Variants in UACA observed in about 807,000 individuals in gnomAD.
The protein encoded by UACA is uveal autoantigen with coiled-coil domains and ankyrin repeats, also known as nuclear membrane binding protein.
UACA carries 112 observed loss-of-function variants against 160.5 expected under a neutral mutation model. The observed-to-expected ratio is 0.70, with a 90% CI of 0.60 to 0.82. The LOEUF (loss-of-function observed/expected upper bound fraction) is 0.82, where lower values mean the gene tolerates loss of function less well. Among genes scored for constraint, UACA ranks in the 40% least tolerant of loss-of-function variants. The pLI is 0.00. For missense variants in UACA, 1,574 were observed against 1,614.6 expected, an observed-to-expected ratio of 0.97 and a Z score of 0.43; for synonymous variants, 557 against 568.4, an observed-to-expected ratio of 0.98 and a Z score of 0.29.
intron 3 of UACA, among the ~76,000 whole-genome samples, chr15:70,694,525 C>T (rs556177419): frequency 2.0e-5 from 3 of 152,254 alleles, no homozygotes; most frequent in Admixed American, 2.0e-4. Flanking sequence ...CTTAACAGCT[C>T]AGGGCCTCAG....
intron 2 of UACA, among the ~76,000 whole-genome samples, chr15:70,699,123 G>T (rs954768213): frequency 1.3e-5 from 2 of 152,144 alleles, no homozygotes; most frequent in Admixed American, 1.3e-4. Context: ...AAGACACAAA[G>T]CTTGGGTTCA....
chr15:70,737,929 C>A (rs1899418581), intron 1 of UACA, among the ~76,000 whole-genome samples: 2 of 152,140 alleles, frequency 1.3e-5, no homozygotes, highest in Admixed American at 1.3e-4. Context: ...CAATAATTTG[C>A]TTGCTTAGAC....
In UACA at chr15:70,711,352, G is replaced by C. The variant is rs891851435; in HGVS notation, c.79-11692C>G. 7.2e-5 allele frequency among the ~76,000 whole-genome samples: 11 copies of C among 151,986 alleles called. No individual in the cohort carries two copies. In the South Asian group the frequency reaches 8.3e-4, roughly 12 times the overall value. On this transcript the variant is annotated intron_variant, in intron 1 of 18. Coordinates refer to ENST00000322954, the MANE Select transcript of UACA (RefSeq NM_018003.4). ...AGTACCAAAGAACTGCCAGAAGCCT[G>C]GATAATTCATTTGTTCAATAAAAAT...
At chr15:70,662,835 T>C (rs1685419453) in intron 17 of UACA, among the ~76,000 whole-genome samples, 1 of 152,128 alleles carries the variant, frequency 6.6e-6, no homozygotes, top group South Asian at 2.1e-4. Context: ...CTGGATCCCT[T>C]CCTTACACCT....
At chr15:70,694,181 C>T (rs1898042568) in intron 3 of UACA, among the ~76,000 whole-genome samples, 1 of 151,900 alleles carries the variant, frequency 6.6e-6, no homozygotes, top group Non-Finnish European at 1.5e-5. Flanking sequence ...AAGCTGTCAA[C>T]AGTCCCAGAG....
At chr15:70,762,168 G>C (rs1282227478) in intron 1 of UACA, among the ~76,000 whole-genome samples, 1 of 151,784 alleles carries the variant, frequency 6.6e-6, no homozygotes, top group African/African-American at 2.4e-5. Flanking sequence ...TTTGAAATAG[G>C]AATTTAAGTC....
Position 70,677,141 on chromosome 15 carries a change from C to T in UACA, c.1000-1G>A, listed in dbSNP as rs1282220504. 3 of 1,599,698 alleles carry T rather than the reference C, an allele frequency of 1.9e-6. No individual in the cohort carries two copies. Among genetic ancestry groups the T allele is most frequent in the Non-Finnish European group, 2.6e-6 (3 of 1,172,198 alleles). On this transcript the variant is annotated splice_acceptor_variant, in intron 11 of 18. Transcript: ENST00000322954. LOFTEE classifies it high-confidence loss of function. Reference sequence around the variant, plus strand: ...CCAGATCATCAGCAACCATAACTTCCTAAATTTAAAAAGAACACAAAATAT... The same window carrying T: ...CCAGATCATCAGCAACCATAACTTCTTAAATTTAAAAAGAACACAAAATAT...
At chr15:70,676,718 A>C (rs2041564772) in intron 12 of UACA, 127 bp from the exon 13 acceptor site, 1 of 666,908 alleles carries the variant, frequency 1.5e-6, no homozygotes, top group African/African-American at 1.8e-5. Flanking sequence ...CAACCTGGTG[A>C]ACTTTAACTA....
At chr15:70,717,720 A>G (rs1485539286) in intron 1 of UACA, among the ~76,000 whole-genome samples, 1 of 152,126 alleles carries the variant, frequency 6.6e-6, no homozygotes, top group Non-Finnish European at 1.5e-5. Flanking sequence ...GTGATGGTTA[A>G]ATTTTGTGTC....
chr15:70,750,694 C>A (rs955668086), intron 1 of UACA, among the ~76,000 whole-genome samples: 6 of 152,142 alleles, frequency 3.9e-5, no homozygotes, highest in African/African-American at 1.2e-4. Flanking sequence ...CACAGTGAGA[C>A]CCCTGTCTCT....
chr15:70,709,555 G>T (rs1379269466), intron 1 of UACA, among the ~76,000 whole-genome samples: 2 of 152,118 alleles, frequency 1.3e-5, no homozygotes, highest in Admixed American at 1.3e-4. Flanking sequence ...ATACATTTAA[G>T]TGTATAAATG....
intron 1 of UACA, chr15:70,748,987 A>G (rs1037584226): frequency 2.0e-5 from 3 of 153,468 alleles, no homozygotes; most frequent in African/African-American, 7.2e-5. Flanking sequence ...TTAGTTTCAA[A>G]TATCACTCAT....
At chr15:70,768,554 A>G (rs1358596636), upstream of UACA, among the ~76,000 whole-genome samples, 1 of 152,174 alleles carries the variant, frequency 6.6e-6, no homozygotes, top group Non-Finnish European at 1.5e-5. Flanking sequence ...GATAAGACTG[A>G]TGGCCCTGAG....
At position 70,720,684 on chromosome 15, in the gene UACA, G is replaced by A. The variant is rs191807352; in HGVS notation, c.79-21024C>T. On this transcript the variant is annotated intron_variant, in intron 1 of 18. Coordinates refer to ENST00000322954, the MANE Select transcript of UACA (RefSeq NM_018003.4). ...CTTAGAGTATTTTCCTTGAGGAAGA[G>A]ATAAATATATTTTGTATGCCGAAGC... Among the ~76,000 whole-genome samples, 104 of 152,306 alleles carry A rather than the reference G, an allele frequency of 6.8e-4. No homozygotes were observed. In the East Asian group the frequency reaches 0.016, roughly 23 times the overall value.
At chr15:70,753,074 T>C (rs1381469365) in intron 1 of UACA, among the ~76,000 whole-genome samples, 1 of 152,160 alleles carries the variant, frequency 6.6e-6, no homozygotes, top group Non-Finnish European at 1.5e-5. Context: ...AGCACAGCTA[T>C]AGTGAGACAG....
chr15:70,725,022 G>C (rs1468109484), intron 1 of UACA, among the ~76,000 whole-genome samples: 1 of 151,684 alleles, frequency 6.6e-6, no homozygotes, highest in Non-Finnish European at 1.5e-5. Context: ...AGCAAAGGAG[G>C]TTAAGGCTGC....
At chr15:70,729,820 G>C (rs1316057411) in intron 1 of UACA, among the ~76,000 whole-genome samples, 1 of 135,302 alleles carries the variant, frequency 7.4e-6, no homozygotes, top group South Asian at 2.4e-4. Flanking sequence ...GCCTCCTCAA[G>C]TGGGTCCCTG....
chr15:70,735,351 A>AT (rs2140997228), intron 1 of UACA, among the ~76,000 whole-genome samples: 1 of 151,886 alleles, frequency 6.6e-6, no homozygotes, highest in South Asian at 2.1e-4. Context: ...TAAAAGTTGA[A>AT]TTTTTTAATG....
At chr15:70,660,278 A>G in intron 17 of UACA, 62 bp from the exon 18 acceptor site, 1 of 1,385,046 alleles carries the variant, frequency 7.2e-7, no homozygotes. Context: ...AACTTTGGAC[A>G]ATGCTCAGGC....
Sources: gnomAD v4.1 joint callset for allele counts (sites outside exome capture counted in the v4.1 genomes callset) on GRCh38, gnomAD v4.1.1 for gene constraint, MANE v1.5 for transcripts, NCBI Gene and HGNC (gene_info 2026-07-23, HGNC 2026-07-21) for gene names.